The following PRDM16 variants were observed in gnomAD, a reference collection of about 807,000 sequenced individuals.
The protein encoded by PRDM16 is PR/SET domain 16, also known as histone-lysine N-methyltransferase PRDM16.
Under a neutral mutation model 110.6 loss-of-function variants are expected in PRDM16, and 23 were observed. That is an observed-to-expected ratio of 0.21 (90% CI 0.15 to 0.29). PRDM16 has a LOEUF of 0.29. Among genes scored for constraint, PRDM16 ranks in the 10% least tolerant of loss-of-function variants. The pLI is 1.00. For synonymous variants in PRDM16, 799 were observed against 781.8 expected (o/e 1.02, Z -0.37); for missense variants, 1,615 against 1,794.3 (o/e 0.90, Z 1.81).
intron 1 of PRDM16, among the ~76,000 whole-genome samples, chr1:3,182,304 G>A (rs537464973): frequency 5.3e-5 from 8 of 152,336 alleles, no homozygotes; most frequent in East Asian, 3.9e-4. Flanking sequence ...AGGGGTCGTC[G>A]TGTTGGTAAT....
At chr1:3,236,416 TG>T (rs1038969792) in intron 2 of PRDM16, among the ~76,000 whole-genome samples, 1 of 152,020 alleles carries the variant, frequency 6.6e-6, no homozygotes, top group Non-Finnish European at 1.5e-5. Flanking sequence ...GCTAATGGCC[TG>T]GGGGGGCGCT....
intron 1 of PRDM16, among the ~76,000 whole-genome samples, chr1:3,127,045 G>A (rs1178895403): frequency 3.9e-5 from 6 of 152,208 alleles, no homozygotes; most frequent in African/African-American, 2.4e-5. Context: ...CCTGGGCCCC[G>A]AGCTGGAGGC....
chr1:3,196,237 C>T (rs946718952), intron 2 of PRDM16, among the ~76,000 whole-genome samples: 5 of 152,226 alleles, frequency 3.3e-5, no homozygotes, highest in Non-Finnish European at 7.3e-5. Flanking sequence ...CTCAACTCTG[C>T]GCCTTGCAGG....
intron 1 of PRDM16, among the ~76,000 whole-genome samples, chr1:3,074,166 G>A (rs1641836760): frequency 6.6e-6 from 1 of 152,218 alleles, no homozygotes; most frequent in Admixed American, 6.5e-5. Context: ...GCTCCCTAGT[G>A]CACTTGGGGG....
intron 1 of PRDM16, among the ~76,000 whole-genome samples, chr1:3,128,187 C>T (rs912284727): frequency 2.0e-5 from 3 of 152,160 alleles, no homozygotes; most frequent in African/African-American, 7.2e-5. Flanking sequence ...CGTACCCATG[C>T]CCTGTGATGA....
At chr1:3,329,431 G>C (rs12045637) in intron 3 of PRDM16, among the ~76,000 whole-genome samples, 1 of 147,308 alleles carries the variant, frequency 6.8e-6, no homozygotes, top group Admixed American at 6.7e-5. Flanking sequence ...TGGGATCCCC[G>C]GACAGAGCCA....
At chr1:3,183,536 G>A (rs1179837646) in intron 1 of PRDM16, among the ~76,000 whole-genome samples, 1 of 152,238 alleles carries the variant, frequency 6.6e-6, no homozygotes, top group African/African-American at 2.4e-5. Context: ...AAAATGAGAC[G>A]GGTTTTTCCT....
Position 3,186,105 on chromosome 1 carries a change from C to T in PRDM16, c.38-20C>T, listed in dbSNP as rs190568539. ...GTGGGGCACGTGCTGCAGAGGTTGA[C>T]GCTGCGTTGTCTCCTTTAGGTGACG... is the stretch of plus-strand genomic sequence containing the variant. On this transcript the variant is annotated intron_variant, in intron 1 of 16. Transcript: ENST00000270722. 4.8e-5 allele frequency: 77 copies of T among 1,594,610 alleles called. No individual in the cohort carries two copies. Among genetic ancestry groups the T allele is most frequent in the Admixed American group, 2.5e-4 (15 of 59,978 alleles).
intron 3 of PRDM16, among the ~76,000 whole-genome samples, chr1:3,380,099 A>C (rs1180489732): frequency 2.1e-5 from 3 of 139,950 alleles, no homozygotes; most frequent in Non-Finnish European, 4.7e-5. Context: ...ACCCCCTCCC[A>C]ACACATCCCC....
chr1:3,134,911 C>T (rs894458244), intron 1 of PRDM16, among the ~76,000 whole-genome samples: 3 of 152,176 alleles, frequency 2.0e-5, no homozygotes, highest in East Asian at 1.9e-4. Context: ...GGGATCGGGC[C>T]GGGTATTAGC....
chr1:3,259,168 A>C (rs1640110668), intron 3 of PRDM16, among the ~76,000 whole-genome samples: 2 of 152,176 alleles, frequency 1.3e-5, no homozygotes, highest in Admixed American at 1.3e-4. Context: ...GCCCACACAC[A>C]GCCCTTCAGT....
chr1:3,190,244 AGCCTTACTTCAAGGTCG>A lies in PRDM16; in HGVS notation c.387+3771_387+3787del, dbSNP rs1461238309. Among the ~76,000 whole-genome samples the A allele has an allele frequency of 4.6e-5, 7 of 150,846 alleles. No individual in the cohort carries two copies. Among genetic ancestry groups the A allele is most frequent in the East Asian group, 3.9e-4 (2 of 5,122 alleles). The stretch of plus-strand genomic sequence containing the variant: ...CAGCCTTACTTCAAGGTCGTGGGGC[AGCCTTACTTCAAGGTCG>A]TGGGGCAGCCTTACTTCAAGGTCGT... On this transcript the variant is annotated intron_variant, in intron 2 of 16. Coordinates refer to ENST00000270722, the MANE Select transcript of PRDM16 (RefSeq NM_022114.4). The surrounding 1 kb of genome is among the most constrained non-coding windows in gnomAD (Gnocchi z 5.0).
intron 1 of PRDM16, 97 bp from the exon 2 acceptor site, chr1:3,186,028 C>T (rs1644262899): frequency 7.7e-6 from 8 of 1,041,966 alleles, no homozygotes; most frequent in African/African-American, 3.1e-5. Context: ...TGAGCACCCT[C>T]GGTGCCCATT....
intron 1 of PRDM16, among the ~76,000 whole-genome samples, chr1:3,134,585 C>A (rs1033189779): frequency 6.7e-6 from 1 of 148,838 alleles, no homozygotes; most frequent in Admixed American, 6.6e-5. Flanking sequence ...CCCGCCTCCC[C>A]CTGGAAGGGG....
chr1:3,427,826 C>T (rs550392997), intron 14 of PRDM16, among the ~76,000 whole-genome samples: 1 of 152,298 alleles, frequency 6.6e-6, no homozygotes, highest in East Asian at 1.9e-4. Flanking sequence ...TACTCTGCAG[C>T]CCCCAGGCTG....
rs559599103 is a variant in PRDM16 at position 3,190,352 on chromosome 1, G to C, written c.387+3878G>C. 1.3e-5 allele frequency among the ~76,000 whole-genome samples: 2 copies of C among 152,242 alleles called. No individual in the cohort carries two copies. The highest frequency in any genetic ancestry group is 2.9e-5 in the Non-Finnish European group (2 of 68,050). On this transcript the variant is annotated intron_variant, in intron 2 of 16. Coordinates refer to ENST00000270722, the MANE Select transcript of PRDM16 (RefSeq NM_022114.4). The surrounding 1 kb of genome is among the most constrained non-coding windows in gnomAD (Gnocchi z 5.0). ...GCAGGAATGAGGCTGGGGGTCGGGA[G>C]CTGAGTTTCCTCCGGCCTCAGTTGC...
intron 3 of PRDM16, among the ~76,000 whole-genome samples, chr1:3,267,104 G>A (rs1379171036): frequency 6.6e-6 from 1 of 152,022 alleles, no homozygotes; most frequent in Non-Finnish European, 1.5e-5. Flanking sequence ...TTTTGCAGCC[G>A]CCTCTGTCTA....
intron 2 of PRDM16, among the ~76,000 whole-genome samples, chr1:3,188,414 T>C (rs1644296523): frequency 6.6e-6 from 1 of 152,184 alleles, no homozygotes; most frequent in African/African-American, 2.4e-5. Context: ...GTCCGCGTGG[T>C]GCCAGGCCCA....
In PRDM16 at chr1:3,411,523, G is replaced by A. The variant is rs766131529; in HGVS notation, c.1326G>A (p.Arg442=). The change falls in exon 9 of 17, where the codon CGG becomes CGA. Residue 442 remains arginine, a synonymous_variant. Transcript: ENST00000270722. The stretch of plus-strand genomic sequence containing the variant: ...CTACCTCCTCCCTCAACAAGCACCG[G>A]CGCTTCTGCGAGGGCAAGAACCATT... The part of the protein sequence containing the change: ...FSTTSSLNKH[R]RFCEGKNHYT... 2.0e-5 allele frequency: 33 copies of A among 1,614,144 alleles called. No homozygotes were observed. The South Asian group carries it at 3.6e-4, about 18-fold the overall frequency.
Sources: gnomAD v4.1 joint callset for allele counts (sites outside exome capture counted in the v4.1 genomes callset) on GRCh38, gnomAD v4.1.1 for gene constraint, Gnocchi (gnomAD v3.1) non-coding constraint, MANE v1.5 for transcripts, NCBI Gene and HGNC (gene_info 2026-07-23, HGNC 2026-07-21) for gene names.